The following ITPR2 variants were observed in gnomAD, a reference collection of about 807,000 sequenced individuals.
The protein encoded by ITPR2 is inositol 1,4,5-trisphosphate-gated calcium channel ITPR2.
In ITPR2, 207 loss-of-function variants were observed where a neutral mutation model predicts 317.1. The observed-to-expected ratio is 0.65, with a 90% CI of 0.58 to 0.73. ITPR2 has a LOEUF of 0.73. Among genes scored for constraint, ITPR2 ranks in the 30% least tolerant of loss-of-function variants. The pLI is 0.00. For missense variants in ITPR2, 2,613 were observed against 3,284.0 expected, an observed-to-expected ratio of 0.80 and a Z score of 4.99; for synonymous variants, 1,156 against 1,149.1, an observed-to-expected ratio of 1.01 and a Z score of -0.12.
intron 1 of ITPR2, among the ~76,000 whole-genome samples, chr12:26,827,900 G>A (rs1170741069): frequency 6.6e-6 from 1 of 152,208 alleles, no homozygotes; most frequent in East Asian, 1.9e-4. Flanking sequence ...TCTCCAATCT[G>A]ATTCACTTTA....
At chr12:26,819,954 G>A (rs373099954) in intron 1 of ITPR2, among the ~76,000 whole-genome samples, 8 of 152,016 alleles carry the variant, frequency 5.3e-5, no homozygotes, top group African/African-American at 1.7e-4. Flanking sequence ...GCCTGTAGTC[G>A]CAGCTACTCC....
At chr12:26,718,870 C>T (rs745838069) in intron 5 of ITPR2, among the ~76,000 whole-genome samples, 87 of 151,982 alleles carry the variant, frequency 5.7e-4, no homozygotes, top group Non-Finnish European at 9.7e-4. Context: ...CCTCAGCCTC[C>T]CAAAGGATTA....
intron 5 of ITPR2, among the ~76,000 whole-genome samples, chr12:26,720,878 G>A (rs951713133): frequency 1.3e-5 from 2 of 152,206 alleles, no homozygotes; most frequent in Non-Finnish European, 2.9e-5. Context: ...TAAGCAGATA[G>A]GATGAATTAA....
At chr12:26,752,478 C>T (rs1949440947) in intron 2 of ITPR2, among the ~76,000 whole-genome samples, 1 of 152,198 alleles carries the variant, frequency 6.6e-6, no homozygotes, top group Non-Finnish European at 1.5e-5. Flanking sequence ...TCTGGTCATC[C>T]TCACTGCTAT....
In ITPR2 at chr12:26,411,299, C is replaced by T. The variant is rs79464281; in HGVS notation, c.7399+21G>A. On this transcript the variant is annotated intron_variant, in intron 52 of 56. Coordinates refer to ENST00000381340, the MANE Select transcript of ITPR2 (RefSeq NM_002223.4). Reference sequence around the variant, plus strand: ...TTCAAAGATATCAAGTTCATACTGACCCAGAGTCCTTTCTACAAACCTGTA... The same window carrying T: ...TTCAAAGATATCAAGTTCATACTGATCCAGAGTCCTTTCTACAAACCTGTA... 6.9e-3 allele frequency: 10,640 copies of T among 1,540,142 alleles called. 572 individuals carry two copies. The African/African-American group carries it at 0.12, about 18-fold the overall frequency.
At chr12:26,360,457 T>C (rs544457463) in intron 55 of ITPR2, among the ~76,000 whole-genome samples, 7 of 152,300 alleles carry the variant, frequency 4.6e-5, no homozygotes, top group Non-Finnish European at 7.4e-5. Flanking sequence ...AGCCTTGCCC[T>C]GAGAGCCGTT....
At chr12:26,346,733 T>A (rs972124683) in intron 55 of ITPR2, among the ~76,000 whole-genome samples, 1 of 144,296 alleles carries the variant, frequency 6.9e-6, no homozygotes, top group Non-Finnish European at 1.5e-5. Flanking sequence ...CACCAATCTA[T>A]GAGTCAGGAC....
chr12:26,423,062 T>G lies in ITPR2; in HGVS notation c.6946-3849A>C, dbSNP rs80157237. ...AAAACAGAACAGTAAGCACAGGTCATGTAAATGGTAGTGTCTCTTACTAAA... is the reference window on the plus strand; with the variant it reads ...AAAACAGAACAGTAAGCACAGGTCAGGTAAATGGTAGTGTCTCTTACTAAA... On this transcript the variant is annotated intron_variant, in intron 49 of 56. Transcript: ENST00000381340. Among the ~76,000 whole-genome samples, 2,065 of 152,268 alleles carry G rather than the reference T, an allele frequency of 0.014. 113 individuals carry two copies. The East Asian group carries it at 0.17, about 13-fold the overall frequency.
intron 45 of ITPR2, among the ~76,000 whole-genome samples, chr12:26,444,648 G>A (rs1211800835): frequency 6.6e-6 from 1 of 152,090 alleles, no homozygotes; most frequent in Admixed American, 6.6e-5. Context: ...GCTAGAAAAT[G>A]GTAGAGCCAG....
intron 55 of ITPR2, among the ~76,000 whole-genome samples, chr12:26,343,491 T>C (rs1938203799): frequency 6.6e-6 from 1 of 152,190 alleles, no homozygotes; most frequent in Admixed American, 6.5e-5. Context: ...ACAATGTGAA[T>C]GTGCTTCACG....
intron 2 of ITPR2, among the ~76,000 whole-genome samples, chr12:26,786,787 T>G (rs1950260468): frequency 6.6e-6 from 1 of 152,242 alleles, no homozygotes; most frequent in Non-Finnish European, 1.5e-5. Flanking sequence ...AATCATACCA[T>G]GAGTATGAAA....
At chr12:26,410,337 T>C (rs1034549883) in intron 52 of ITPR2, among the ~76,000 whole-genome samples, 8 of 152,110 alleles carry the variant, frequency 5.3e-5, no homozygotes, top group African/African-American at 1.9e-4. Context: ...CTGGATGGAA[T>C]GTATTCATGT....
At chr12:26,764,262 T>C (rs796610624) in intron 2 of ITPR2, among the ~76,000 whole-genome samples, 12 of 151,982 alleles carry the variant, frequency 7.9e-5, no homozygotes, top group African/African-American at 2.9e-4. Context: ...GAAAATAACA[T>C]AGGAAAAAAA....
chr12:26,401,360 G>A (rs968345501), intron 52 of ITPR2, among the ~76,000 whole-genome samples: 9 of 152,064 alleles, frequency 5.9e-5, no homozygotes, highest in South Asian at 4.1e-4. Flanking sequence ...AAGCTTTCTC[G>A]AGGACCAACC....
chr12:26,563,484 C>T (rs1390144400), intron 34 of ITPR2, among the ~76,000 whole-genome samples: 4 of 151,796 alleles, frequency 2.6e-5, no homozygotes, highest in Non-Finnish European at 2.9e-5. Context: ...GCAGGAGAAT[C>T]GCTTGAACCC....
At chr12:26,430,117 T>A (rs1941166137) in intron 48 of ITPR2, among the ~76,000 whole-genome samples, 1 of 152,224 alleles carries the variant, frequency 6.6e-6, no homozygotes, top group Non-Finnish European at 1.5e-5. Flanking sequence ...AGGTTCATAC[T>A]AAATATATAT....
At position 26,606,545 on chromosome 12, in the gene ITPR2, T is replaced by TC. The variant is rs1003777377; in HGVS notation, c.3463-3840_3463-3839insG. The stretch of plus-strand genomic sequence containing the variant: ...ATTGGTTCTAAAGATAGTTCCTCCC[T>TC]TTTTTTTTTTTTTGCATCAGGCAAG... On this transcript the variant is annotated intron_variant, in intron 26 of 56. Coordinates refer to ENST00000381340, the MANE Select transcript of ITPR2 (RefSeq NM_002223.4). Among the ~76,000 whole-genome samples the TC allele has an allele frequency of 3.2e-3, 36 of 11,386 alleles. 1 individual carries two copies. In the East Asian group the frequency reaches 0.38, roughly 119 times the overall value. 7.5% of individuals were successfully genotyped at this position (11,386 alleles called of 152,430 possible). A position where few individuals can be genotyped will look rare whatever the true frequency, so the allele number is the denominator to read the frequency against.
chr12:26,503,220 CGGATTAAGTGAGAG>C (rs1943114196), intron 37 of ITPR2, among the ~76,000 whole-genome samples: 1 of 151,540 alleles, frequency 6.6e-6, no homozygotes. Context: ...CACACACACA[CGGATTAAGTGAGAG>C]ACAAAGACCT....
intron 37 of ITPR2, among the ~76,000 whole-genome samples, chr12:26,502,706 G>A (rs1275420393): frequency 1.3e-5 from 2 of 152,198 alleles, no homozygotes; most frequent in Admixed American, 1.3e-4. Context: ...TCAGCTTACA[G>A]TGCATCCCAG....
Sources: gnomAD v4.1 joint callset for allele counts (sites outside exome capture counted in the v4.1 genomes callset) on GRCh38, gnomAD v4.1.1 for gene constraint, MANE v1.5 for transcripts, NCBI Gene and HGNC (gene_info 2026-07-23, HGNC 2026-07-21) for gene names.